Variants in MORC4 observed in about 807,000 individuals in gnomAD.
MORC4 encodes MORC family CW-type zinc finger 4, also known as MORC family CW-type zinc finger protein 4.
In MORC4, 22 loss-of-function variants were observed where a neutral mutation model predicts 65.5. The ratio of observed to expected loss-of-function variants is 0.34; its 90% confidence interval spans 0.24 to 0.48. The LOEUF (loss-of-function observed/expected upper bound fraction) is 0.48. Ranked by LOEUF, MORC4 falls within the 20% of genes least tolerant of loss-of-function variation. The pLI, the probability that MORC4 is intolerant of heterozygous loss-of-function variation, is 0.99. For synonymous variants in MORC4, 267 were observed against 255.8 expected (o/e 1.04, Z -0.42); for missense variants, 624 against 703.0 (o/e 0.89, Z 1.27).
intron 10 of MORC4, among the ~76,000 whole-genome samples, chrX:106,961,790 C>A (rs1307289365): frequency 9.0e-6 from 1 of 111,638 alleles, no homozygotes; most frequent in Non-Finnish European, 1.9e-5. Flanking sequence ...AAGCTTTGTC[C>A]TTTCGCTGTT....
intron 2 of MORC4, among the ~76,000 whole-genome samples, chrX:106,996,358 GAA>G (rs747926469): frequency 8.0e-4 from 88 of 109,755 alleles, no homozygotes; most frequent in Admixed American, 1.5e-3. Flanking sequence ...GAGCAGTAGG[GAA>G]AGAGAGATCA....
intron 14 of MORC4, among the ~76,000 whole-genome samples, chrX:106,944,356 C>T (rs965246024): frequency 1.8e-5 from 2 of 112,022 alleles, no homozygotes; most frequent in African/African-American, 6.5e-5. Flanking sequence ...AGGTCTACTA[C>T]TGATGGCCCA....
chrX:106,986,235 A>G (rs1273200665), intron 3 of MORC4, 35 bp from the exon 4 acceptor site: 8 of 1,077,379 alleles, frequency 7.4e-6, no homozygotes, highest in Non-Finnish European at 7.6e-6. Context: ...ATCAGAAAAA[A>G]AGAAATCAGA....
At chrX:106,962,602 T>C (rs1398965963) in intron 9 of MORC4, among the ~76,000 whole-genome samples, 1 of 111,774 alleles carries the variant, frequency 8.9e-6, no homozygotes, top group Admixed American at 9.5e-5. Flanking sequence ...TATGTCTATA[T>C]AGTCCCTCTT....
At chrX:106,993,099 G>T in intron 3 of MORC4, 131 bp downstream of exon 3, 1 of 680,386 alleles carries the variant, frequency 1.5e-6, no homozygotes, top group Non-Finnish European at 2.2e-6. Context: ...CCAGTGCCCT[G>T]GCACATAAGA....
chrX:106,967,146 C>T (rs752225615), intron 9 of MORC4, among the ~76,000 whole-genome samples: 2 of 111,430 alleles, frequency 1.8e-5, no homozygotes, highest in South Asian at 3.8e-4. Flanking sequence ...GCAGCCTCCA[C>T]TCGTGAGATA....
intron 9 of MORC4, among the ~76,000 whole-genome samples, chrX:106,962,657 G>C (rs1934278732): frequency 9.0e-6 from 1 of 111,661 alleles, no homozygotes; most frequent in Non-Finnish European, 1.9e-5. Context: ...CCATGAACAA[G>C]CACTCCAACA....
rs2147809540 is a variant in MORC4 at position 106,958,393 on chromosome X, T to C, written c.1328A>G (p.Asp443Gly). 8.3e-7 allele frequency: 1 copy of C among 1,203,431 alleles called. No individual in the cohort carries two copies. Among genetic ancestry groups the C allele is most frequent in the East Asian group, 3.0e-5 (1 of 33,762 alleles). ...CCATCTTGCAGGTAACATGGATGGA[T>C]CAATCTTCCCAGGAAGCTTTCTCCA... Reference protein sequence around the residue: ...LKWRKLPGKIDPSMLPARWFC... With the variant: ...LKWRKLPGKIGPSMLPARWFC... The change falls in exon 11 of 17, where the codon GAT becomes GGT. Residue 443 changes from aspartate (D) to glycine (G), a missense_variant. By Grantham distance (94) the Asp-to-Gly change is moderately conservative. Transcript: ENST00000355610.
chrX:106,947,571 TTATATA>T (rs764069844), intron 14 of MORC4, among the ~76,000 whole-genome samples: 1 of 77,956 alleles, frequency 1.3e-5, no homozygotes, highest in Non-Finnish European at 2.3e-5. Context: ...TATATATATA[TTATATA>T]TATATATATA....
intron 14 of MORC4, among the ~76,000 whole-genome samples, chrX:106,949,657 A>G (rs1170611655): frequency 1.8e-5 from 2 of 112,016 alleles, no homozygotes; most frequent in Admixed American, 9.4e-5. Context: ...TCTTGATTTT[A>G]ATCTTTCACC....
At chrX:106,974,721 T>C (rs753742974) in intron 9 of MORC4, among the ~76,000 whole-genome samples, 32 of 112,014 alleles carry the variant, frequency 2.9e-4, no homozygotes, top group Non-Finnish European at 5.5e-4. Context: ...TGATGGCTGG[T>C]ATCTCTTTTA....
chrX:106,988,988 T>A (rs1934927320), intron 3 of MORC4, among the ~76,000 whole-genome samples: 1 of 112,215 alleles, frequency 8.9e-6, no homozygotes, highest in East Asian at 2.8e-4. Context: ...AATAAATAAG[T>A]AAAGACTCTG....
At chrX:106,974,813 TTCC>T (rs946856310) in intron 9 of MORC4, among the ~76,000 whole-genome samples, 4 of 111,750 alleles carry the variant, frequency 3.6e-5, no homozygotes, top group African/African-American at 1.3e-4. Context: ...CTCTCTTAAA[TTCC>T]TTTTTTTAAT....
At chrX:106,965,314 A>G (rs1030115832) in intron 9 of MORC4, among the ~76,000 whole-genome samples, 5 of 112,032 alleles carry the variant, frequency 4.5e-5, no homozygotes, top group African/African-American at 1.6e-4. Context: ...TGATAAGCAC[A>G]AACAAAATAG....
At chrX:106,972,431 G>A (rs1934539052) in intron 9 of MORC4, among the ~76,000 whole-genome samples, 2 of 110,647 alleles carry the variant, frequency 1.8e-5, no homozygotes, top group Admixed American at 9.6e-5. Flanking sequence ...AAAATTGCAC[G>A]TTCTGCACAT....
chrX:106,999,628 G>A, intron 2 of MORC4, 49 bp downstream of exon 2: 1 of 1,088,512 alleles, frequency 9.2e-7, no homozygotes, highest in Non-Finnish European at 1.2e-6. Flanking sequence ...GCACCACGCT[G>A]GCACCACTGC....
chrX:106,969,746 C>A (rs1393980068), intron 9 of MORC4, among the ~76,000 whole-genome samples: 1 of 111,621 alleles, frequency 9.0e-6, no homozygotes, highest in Admixed American at 9.5e-5. Flanking sequence ...ATAAATTCCT[C>A]GACACATACA....
At chrX:106,979,629 G>A (rs1934699697) in intron 7 of MORC4, among the ~76,000 whole-genome samples, 1 of 111,277 alleles carries the variant, frequency 9.0e-6, no homozygotes. Context: ...CAGTAAATCT[G>A]TTTAGTCCAA....
At chrX:106,943,357 A>G (rs1170428130) in intron 14 of MORC4, 152 bp from the exon 15 acceptor site, 1 of 457,005 alleles carries the variant, frequency 2.2e-6, no homozygotes, top group African/African-American at 2.5e-5. Context: ...CTTTACCCAC[A>G]AGCCTCAACC....
Sources: allele counts gnomAD v4.1 joint callset (sites outside exome capture counted in the v4.1 genomes callset), GRCh38; gene constraint gnomAD v4.1.1; transcripts MANE v1.5; gene names NCBI Gene and HGNC (gene_info 2026-07-23, HGNC 2026-07-21).